Variants in MSRA observed in about 807,000 individuals in gnomAD.
MSRA encodes methionine sulfoxide reductase A.
A neutral mutation model predicts 31.3 loss-of-function variants in MSRA; 54 were observed. That is an observed-to-expected ratio of 1.73 (90% confidence interval 1.39 to 2.17). The LOEUF is 2.17. Ranked by LOEUF, MSRA falls within the 30% of genes most tolerant of loss-of-function variation. MSRA has a pLI of 0.00. For synonymous variants in MSRA, 169 were observed against 116.5 expected (o/e 1.45, Z -2.90); for missense variants, 507 against 300.9 (o/e 1.69, Z -5.07).
intron 4 of MSRA, among the ~76,000 whole-genome samples, chr8:10,304,760 G>C (rs1801035804): frequency 6.6e-6 from 1 of 152,214 alleles, no homozygotes; most frequent in Admixed American, 6.5e-5. Flanking sequence ...GCCGCCACTA[G>C]AGAAGATGAG....
At chr8:10,187,522 C>T (rs560169638) in intron 1 of MSRA, among the ~76,000 whole-genome samples, 2 of 152,262 alleles carry the variant, frequency 1.3e-5, no homozygotes, top group South Asian at 2.1e-4. Flanking sequence ...TTTCAAAAAT[C>T]GTTCCACAGC....
At chr8:10,187,501 C>T (rs1441735527) in intron 1 of MSRA, among the ~76,000 whole-genome samples, 1 of 152,300 alleles carries the variant, frequency 6.6e-6, no homozygotes, top group African/African-American at 2.4e-5. Flanking sequence ...GCCTGACTTA[C>T]ACAACCACCC....
At chr8:10,186,201 T>G (rs1295458157) in intron 1 of MSRA, among the ~76,000 whole-genome samples, 2 of 152,156 alleles carry the variant, frequency 1.3e-5, no homozygotes, top group Admixed American at 6.5e-5. Context: ...AGGTGCTTCC[T>G]TGTAACCTCA....
At chr8:10,072,845 C>T (rs1585088560) in intron 1 of MSRA, among the ~76,000 whole-genome samples, 2 of 152,210 alleles carry the variant, frequency 1.3e-5, no homozygotes, top group South Asian at 4.2e-4. Context: ...CTAAGCTTTT[C>T]ATTTTCTTTG....
chr8:10,234,966 A>G (rs943194586), intron 2 of MSRA, among the ~76,000 whole-genome samples: 1 of 152,142 alleles, frequency 6.6e-6, no homozygotes, highest in Non-Finnish European at 1.5e-5. Flanking sequence ...AAAATTCACA[A>G]TCACAGGAGG....
intron 5 of MSRA, among the ~76,000 whole-genome samples, chr8:10,417,701 T>C (rs1808550278): frequency 6.7e-6 from 1 of 150,088 alleles, no homozygotes; most frequent in South Asian, 2.1e-4. Flanking sequence ...CTGTGCTCCC[T>C]ATGGACTAAA....
At chr8:10,340,208 A>G (rs7460226) in intron 5 of MSRA, among the ~76,000 whole-genome samples, 57,530 of 151,932 alleles carry the variant, frequency 0.38, 11,288 homozygotes, top group Admixed American at 0.42. Context: ...CATTCCCAGC[A>G]GAGCTTGGTG....
chr8:10,263,830 C>G (rs1798605748), intron 3 of MSRA, among the ~76,000 whole-genome samples: 2 of 152,134 alleles, frequency 1.3e-5, no homozygotes, highest in Admixed American at 6.5e-5. Flanking sequence ...GAAGTGAATG[C>G]TAGAATAGCT....
chr8:10,070,499 G>A (rs1379829339), intron 1 of MSRA, among the ~76,000 whole-genome samples: 5 of 152,186 alleles, frequency 3.3e-5, no homozygotes, highest in African/African-American at 4.8e-5. Context: ...CTGTGGATCT[G>A]TTGTACTCTT....
chr8:10,288,669 A>C (rs1800066934), intron 3 of MSRA, among the ~76,000 whole-genome samples: 1 of 152,198 alleles, frequency 6.6e-6, no homozygotes, highest in South Asian at 2.1e-4. Flanking sequence ...TGAAGTTCTT[A>C]GTTCCATTTT....
At chr8:10,253,127 C>T (rs1798003861) in intron 3 of MSRA, among the ~76,000 whole-genome samples, 1 of 152,156 alleles carries the variant, frequency 6.6e-6, no homozygotes, top group East Asian at 1.9e-4. Context: ...AAACATAGGG[C>T]CCCACAATCC....
At chr8:10,231,635 G>A (rs1229790605) in intron 2 of MSRA, among the ~76,000 whole-genome samples, 1 of 152,226 alleles carries the variant, frequency 6.6e-6, no homozygotes, top group East Asian at 1.9e-4. Flanking sequence ...GGGTGCAGTG[G>A]CTCACGCCTG....
At chr8:10,364,709 A>C (rs1805056450) in intron 5 of MSRA, among the ~76,000 whole-genome samples, 2 of 152,240 alleles carry the variant, frequency 1.3e-5, no homozygotes, top group Non-Finnish European at 1.5e-5. Flanking sequence ...CTGCTGGGTG[A>C]ATTTGGGCAC....
intron 3 of MSRA, among the ~76,000 whole-genome samples, chr8:10,281,808 A>G (rs1799637805): frequency 6.6e-6 from 1 of 152,204 alleles, no homozygotes; most frequent in Admixed American, 6.5e-5. Flanking sequence ...ATCAAGACGA[A>G]GGCTATTATC....
chr8:10,290,312 A>C (rs918615077), intron 3 of MSRA, among the ~76,000 whole-genome samples: 1 of 152,228 alleles, frequency 6.6e-6, no homozygotes, highest in Non-Finnish European at 1.5e-5. Flanking sequence ...TAGTGGCATG[A>C]ACTACTTTGA....
chr8:10,263,945 A>G (rs901200717), intron 3 of MSRA, among the ~76,000 whole-genome samples: 13 of 152,196 alleles, frequency 8.5e-5, no homozygotes, highest in Non-Finnish European at 1.3e-4. Context: ...CTTTCCTCCT[A>G]TTCACTCAAG....
At chr8:10,364,245 G>T (rs528554401) in intron 5 of MSRA, among the ~76,000 whole-genome samples, 2 of 152,170 alleles carry the variant, frequency 1.3e-5, no homozygotes, top group Non-Finnish European at 2.9e-5. Context: ...TCGGACTGTG[G>T]TGCTTTGGAT....
chr8:10,113,614 T>A (rs1462735952), intron 1 of MSRA, among the ~76,000 whole-genome samples: 3 of 151,754 alleles, frequency 2.0e-5, no homozygotes, highest in African/African-American at 7.3e-5. Context: ...TACTGGCCAT[T>A]AAGAAAGAGA....
At chr8:10,161,944 G>C (rs1280466436) in intron 1 of MSRA, among the ~76,000 whole-genome samples, 1 of 152,168 alleles carries the variant, frequency 6.6e-6, no homozygotes, top group Admixed American at 6.5e-5. Flanking sequence ...GGGTGGTCCG[G>C]AGGTCTGAAT....
Sources: allele counts gnomAD v4.1 joint callset (sites outside exome capture counted in the v4.1 genomes callset), GRCh38; gene constraint gnomAD v4.1.1; transcripts MANE v1.5; gene names NCBI Gene and HGNC (gene_info 2026-07-23, HGNC 2026-07-21).